Variants in C11orf58 observed in about 807,000 individuals in gnomAD.
C11orf58 encodes the protein small acidic protein.
C11orf58 carries 5 observed loss-of-function variants against 22.7 expected under a neutral mutation model. The observed-to-expected ratio is 0.22, with a 90% confidence interval of 0.12 to 0.46. The LOEUF (loss-of-function observed/expected upper bound fraction) is 0.46. Ranked by LOEUF, C11orf58 falls within the 20% of genes least tolerant of loss-of-function variation. The pLI is 0.99. For synonymous variants in C11orf58, 71 were observed against 70.7 expected (o/e 1.00, Z -0.02); for missense variants, 151 against 223.3 (o/e 0.68, Z 2.06).
At chr11:16,753,924 T>C in intron 4 of C11orf58, 2 of 558,762 alleles carry the variant, frequency 3.6e-6, no homozygotes, top group Admixed American at 2.8e-5. Flanking sequence ...GTCTCAAAAC[T>C]CCTGGGTTCA....
rs917157437 is a variant in C11orf58 at position 16,758,107 on chromosome 11, C to T, written c.*3003C>T. On this transcript the variant is annotated 3_prime_UTR_variant, in exon 5 of 5. Transcript: ENST00000228136. ...CTCAATAAAAGTATTCACTTCTAACCAACTCCTCCTCCTTTATACCTGCTC... is the reference window on the plus strand; with the variant it reads ...CTCAATAAAAGTATTCACTTCTAACTAACTCCTCCTCCTTTATACCTGCTC... Among the ~76,000 whole-genome samples, 1 of 152,188 alleles carries T rather than the reference C, an allele frequency of 6.6e-6. No individual in the cohort carries two copies. The highest frequency in any genetic ancestry group is 1.5e-5 in the Non-Finnish European group (1 of 68,034).
chr11:16,740,798 A>G (rs1848441227), intron 1 of C11orf58, among the ~76,000 whole-genome samples: 1 of 151,730 alleles, frequency 6.6e-6, no homozygotes, highest in African/African-American at 2.4e-5. Flanking sequence ...CAGAAAAAAA[A>G]AAAAAAACTA....
chr11:16,750,622 A>G (rs981297168), intron 3 of C11orf58: 12 of 153,824 alleles, frequency 7.8e-5, no homozygotes, highest in Non-Finnish European at 1.6e-4. Flanking sequence ...GTGGTACCCA[A>G]TCCAGGTTAA....
At chr11:16,753,960 C>CT in intron 4 of C11orf58, 1 of 551,892 alleles carries the variant, frequency 1.8e-6, no homozygotes, top group Admixed American at 2.7e-5. Context: ...TTCCAAAGTG[C>CT]TGGAACTACA....
chr11:16,755,321 A>T lies in C11orf58; in HGVS notation c.*217A>T, dbSNP rs1175040652. The T allele has an allele frequency of 2.3e-6, 1 of 431,926 alleles. No individual in the cohort carries two copies. The highest frequency in any genetic ancestry group is 4.0e-5 in the Admixed American group (1 of 25,062). The allele number at this position is 431,926 out of a possible 1,614,324, so 26.8% of individuals were successfully genotyped here. Reference sequence around the variant, plus strand: ...GAGTAAGAGTTGTATAAAATAAGAAATAAATACAGTACTCAACTTCCTTTC... The same window carrying T: ...GAGTAAGAGTTGTATAAAATAAGAATTAAATACAGTACTCAACTTCCTTTC... On this transcript the variant is annotated 3_prime_UTR_variant, in exon 5 of 5. Coordinates refer to ENST00000228136, the MANE Select transcript of C11orf58 (RefSeq NM_014267.6).
At chr11:16,741,391 G>A (rs1848447309) in intron 1 of C11orf58, among the ~76,000 whole-genome samples, 1 of 152,172 alleles carries the variant, frequency 6.6e-6, no homozygotes, top group South Asian at 2.1e-4. Context: ...CTTAAAAGTC[G>A]TTTCATTGGC....
In C11orf58 at chr11:16,756,263, A is replaced by ATTTTTTTTTTT. The variant is rs779195786; in HGVS notation, c.*1173_*1183dup. 1 of 95,670 alleles carries ATTTTTTTTTTT rather than the reference A, an allele frequency of 1.0e-5. No homozygotes were observed. The highest frequency in any genetic ancestry group is 2.0e-5 in the Non-Finnish European group (1 of 49,082). The allele number at this position is 95,670 out of a possible 1,614,324, so 5.9% of individuals were successfully genotyped here. A position where few individuals can be genotyped will look rare whatever the true frequency, so the allele number is the denominator to read the frequency against. On this transcript the variant is annotated 3_prime_UTR_variant, in exon 5 of 5. Coordinates refer to ENST00000228136, the MANE Select transcript of C11orf58 (RefSeq NM_014267.6). ...TTAAAGGATGTATTTGGAGTGTTGG[A>ATTTTTTTTTTT]TTTTTTTTTTTTTTTTTTTTTTTTG...
chr11:16,740,856 G>A (rs1286621036), intron 1 of C11orf58, among the ~76,000 whole-genome samples: 4 of 150,918 alleles, frequency 2.7e-5, no homozygotes, highest in African/African-American at 9.7e-5. Flanking sequence ...CACTTTGGGA[G>A]GCCAAGGCAG....
chr11:16,755,160 T>G lies in C11orf58; in HGVS notation c.*56T>G. 1 of 1,566,176 alleles carries G rather than the reference T, an allele frequency of 6.4e-7. No homozygotes were observed. The highest frequency in any genetic ancestry group is 8.7e-7 in the Non-Finnish European group (1 of 1,150,504). On this transcript the variant is annotated 3_prime_UTR_variant, in exon 5 of 5. Transcript: ENST00000228136. ...TAAGCCTTATTGTTACAATGCACAG[T>G]GGAGGACTGCTTATAGAGCACAGAC...
intron 1 of C11orf58, among the ~76,000 whole-genome samples, chr11:16,740,569 C>T (rs548149325): frequency 6.6e-6 from 1 of 151,978 alleles, no homozygotes; most frequent in Non-Finnish European, 1.5e-5. Context: ...TACAGGTGTG[C>T]ACCATTACAC....
Position 16,754,244 on chromosome 11 carries a change from T to A in C11orf58, c.319-627T>A, listed in dbSNP as rs553961370. On this transcript the variant is annotated intron_variant, in intron 4 of 4. Transcript: ENST00000228136. ...AACATGCCTTATTAATTTAAAAAAT[T>A]GTTTCTTTCAGGAAAATATAATACC... 2.3e-4 allele frequency among the ~76,000 whole-genome samples: 35 copies of A among 152,236 alleles called. No homozygotes were observed. The South Asian group carries it at 7.3e-3, about 32-fold the overall frequency.
At chr11:16,741,875 G>C (rs1225583065) in intron 1 of C11orf58, among the ~76,000 whole-genome samples, 1 of 152,162 alleles carries the variant, frequency 6.6e-6, no homozygotes, top group Non-Finnish European at 1.5e-5. Flanking sequence ...CTACATTATG[G>C]TGAGTTGTAT....
chr11:16,750,863 T>TA (rs1333034959), intron 3 of C11orf58: 1 of 152,296 alleles, frequency 6.6e-6, no homozygotes, highest in South Asian at 2.1e-4. Context: ...CTGTTTTCAC[T>TA]ACTCAGGTCA....
chr11:16,746,011 T>C (rs1848485076), intron 2 of C11orf58, among the ~76,000 whole-genome samples: 3 of 152,252 alleles, frequency 2.0e-5, no homozygotes, highest in Admixed American at 2.0e-4. Context: ...ATAATACATG[T>C]TTGAAGCTAT....
At chr11:16,753,972 G>A in intron 4 of C11orf58, 1 of 530,012 alleles carries the variant, frequency 1.9e-6, no homozygotes, top group South Asian at 2.6e-5. Context: ...GGAACTACAG[G>A]TGTGAGCCAC....
chr11:16,754,649 C>T (rs1309911464), intron 4 of C11orf58, among the ~76,000 whole-genome samples: 1 of 142,112 alleles, frequency 7.0e-6, no homozygotes, highest in African/African-American at 2.6e-5. Context: ...AGCAATCCCC[C>T]TGCCTCTCAG....
chr11:16,747,603 GT>G (rs1235808355), intron 2 of C11orf58: 1 of 152,238 alleles, frequency 6.6e-6, no homozygotes, highest in African/African-American at 2.4e-5. Flanking sequence ...GCTAATGATT[GT>G]GATATACTGT....
In C11orf58 at chr11:16,756,253, G is replaced by A. The variant is rs1370174909; in HGVS notation, c.*1149G>A. On this transcript the variant is annotated 3_prime_UTR_variant, in exon 5 of 5. Coordinates refer to ENST00000228136, the MANE Select transcript of C11orf58 (RefSeq NM_014267.6). Reference sequence around the variant, plus strand: ...ATCTACATACTTAAAGGATGTATTTGGAGTGTTGGATTTTTTTTTTTTTTT... The same window carrying A: ...ATCTACATACTTAAAGGATGTATTTAGAGTGTTGGATTTTTTTTTTTTTTT... 6.7e-6 allele frequency: 1 copy of A among 148,712 alleles called. No homozygotes were observed. The highest frequency in any genetic ancestry group is 2.1e-4 in the South Asian group (1 of 4,700). 9.2% of individuals were successfully genotyped at this position (148,712 alleles called of 1,614,324 possible).
intron 1 of C11orf58, among the ~76,000 whole-genome samples, chr11:16,740,630 C>T (rs887215172): frequency 8.6e-5 from 13 of 151,998 alleles, no homozygotes; most frequent in South Asian, 2.1e-4. Context: ...CCACATTGCC[C>T]AGGCTGGTCT....
Sources: allele counts gnomAD v4.1 joint callset (sites outside exome capture counted in the v4.1 genomes callset), GRCh38; gene constraint gnomAD v4.1.1; transcripts MANE v1.5; gene names NCBI Gene and HGNC (gene_info 2026-07-23, HGNC 2026-07-21).